LHFPL6: variants seen among roughly 807,000 people sequenced by gnomAD.
LHFPL6 encodes LHFPL tetraspan subfamily member 6 protein.
LHFPL6 carries 9 observed loss-of-function variants against 20.6 expected under a neutral mutation model. The ratio of observed to expected loss-of-function variants is 0.44; its 90% CI spans 0.26 to 0.76. The LOEUF is 0.76. LHFPL6 is among the 30% of genes least tolerant of loss of function. LHFPL6 has a pLI of 0.20. For synonymous variants in LHFPL6, 105 were observed against 98.7 expected, an observed-to-expected ratio of 1.06 and a Z score of -0.38; for missense variants, 218 against 253.5, an observed-to-expected ratio of 0.86 and a Z score of 0.95.
chr13:39,439,136 C>A (rs976744250), intron 2 of LHFPL6, among the ~76,000 whole-genome samples: 3 of 152,180 alleles, frequency 2.0e-5, no homozygotes, highest in Admixed American at 1.3e-4. Context: ...CTGAACCCTG[C>A]AAAGCCTCAG....
Position 39,493,306 on chromosome 13 carries a change from TAA to T in LHFPL6, c.385+107524_385+107525del, listed in dbSNP as rs201558669. Among the ~76,000 whole-genome samples the T allele has an allele frequency of 9.3e-5, 11 of 118,290 alleles. No homozygotes were observed. In the South Asian group the frequency reaches 2.1e-3, roughly 23 times the overall value. The allele number at this position is 118,290 out of a possible 152,430, so 77.6% of individuals were successfully genotyped here. On this transcript the variant is annotated intron_variant, in intron 2 of 3. Transcript: ENST00000379589. ...CAACATGATGAAACTCCATCTCTAC[TAA>T]AAAAAAAAAAAATAGGGAAAAAGAA...
intron 2 of LHFPL6, among the ~76,000 whole-genome samples, chr13:39,449,330 A>G (rs1018382256): frequency 6.6e-6 from 1 of 152,262 alleles, no homozygotes; most frequent in Non-Finnish European, 1.5e-5. Context: ...AGTAATATTT[A>G]CTTATACGGT....
intron 2 of LHFPL6, among the ~76,000 whole-genome samples, chr13:39,442,117 C>G (rs1207984471): frequency 6.6e-6 from 1 of 152,108 alleles, no homozygotes; most frequent in Non-Finnish European, 1.5e-5. Context: ...GCATGAGCCA[C>G]CGCCCCCAGC....
intron 2 of LHFPL6, among the ~76,000 whole-genome samples, chr13:39,564,585 T>C (rs146930645): frequency 1.6e-4 from 24 of 152,262 alleles, no homozygotes; most frequent in African/African-American, 5.5e-4. Flanking sequence ...ATTACTATGG[T>C]GCCAAAGAGA....
intron 2 of LHFPL6, among the ~76,000 whole-genome samples, chr13:39,537,868 C>T (rs1870669380): frequency 6.6e-6 from 1 of 152,064 alleles, no homozygotes; most frequent in African/African-American, 2.4e-5. Flanking sequence ...ATCAGGTTAC[C>T]ACACAGTCTA....
intron 2 of LHFPL6, among the ~76,000 whole-genome samples, chr13:39,403,858 A>T (rs1871050758): frequency 6.6e-6 from 1 of 152,220 alleles, no homozygotes; most frequent in African/African-American, 2.4e-5. Flanking sequence ...CTTAGGCTTG[A>T]ATCCCGTACC....
chr13:39,531,814 C>G (rs1253168986), intron 2 of LHFPL6, among the ~76,000 whole-genome samples: 1 of 152,138 alleles, frequency 6.6e-6, no homozygotes, highest in Non-Finnish European at 1.5e-5. Context: ...CATAACTCAA[C>G]CCTTCTGCCA....
At chr13:39,564,013 T>C (rs185820670) in intron 2 of LHFPL6, among the ~76,000 whole-genome samples, 6 of 152,236 alleles carry the variant, frequency 3.9e-5, no homozygotes, top group Middle Eastern at 3.4e-3. Flanking sequence ...GTTGAGCCCA[T>C]GGTGAACACT....
At chr13:39,545,267 A>AAG (rs1870944986) in intron 2 of LHFPL6, among the ~76,000 whole-genome samples, 1 of 146,842 alleles carries the variant, frequency 6.8e-6, no homozygotes, top group African/African-American at 2.5e-5. Context: ...AAAAAAAAAA[A>AAG]GTGACTAAGG....
Position 39,353,632 on chromosome 13 carries a change from G to A in LHFPL6, c.485-9578C>T, listed in dbSNP as rs184492584. ...AGTCCCAGCTACTAGGGAGGCTGAGGCAGGAGAATCTCTTGAACCCGGGAG... is the reference window on the plus strand; with the variant it reads ...AGTCCCAGCTACTAGGGAGGCTGAGACAGGAGAATCTCTTGAACCCGGGAG... On this transcript the variant is annotated intron_variant, in intron 3 of 3. Coordinates refer to ENST00000379589, the MANE Select transcript of LHFPL6 (RefSeq NM_005780.3). Among the ~76,000 whole-genome samples the A allele has an allele frequency of 8.8e-3, 1,334 of 152,196 alleles. 12 individuals are homozygous for A. Among genetic ancestry groups the A allele is most frequent in the Non-Finnish European group, 0.014 (946 of 68,006 alleles).
intron 2 of LHFPL6, among the ~76,000 whole-genome samples, chr13:39,592,074 C>T (rs995894437): frequency 5.3e-5 from 8 of 150,242 alleles, no homozygotes; most frequent in Non-Finnish European, 7.4e-5. Context: ...CCAGCCTGGA[C>T]GACAAAAGCA....
Position 39,602,963 on chromosome 13 carries a change from C to T in LHFPL6, c.-255G>A, listed in dbSNP as rs1405071880. 6 of 152,326 alleles carry T rather than the reference C, an allele frequency of 3.9e-5. No homozygotes were observed. Among genetic ancestry groups the T allele is most frequent in the Non-Finnish European group, 8.8e-5 (6 of 68,164 alleles). 9.4% of individuals were successfully genotyped at this position (152,326 alleles called of 1,614,324 possible). On this transcript the variant is annotated 5_prime_UTR_variant, in exon 1 of 4. Coordinates refer to ENST00000379589, the MANE Select transcript of LHFPL6 (RefSeq NM_005780.3). ...TGCTGTCTTTCTCGGGCGGGAACAT[C>T]CACGGGAAACCGGACCGTCCTGCCC...
At chr13:39,512,977 C>A (rs1490830160) in intron 2 of LHFPL6, among the ~76,000 whole-genome samples, 4 of 152,242 alleles carry the variant, frequency 2.6e-5, no homozygotes, top group Non-Finnish European at 5.9e-5. Flanking sequence ...TGACTGATGA[C>A]CACGCTGTCC....
At position 39,601,094 on chromosome 13, in the gene LHFPL6, A is replaced by G. The variant is rs764334491; in HGVS notation, c.123T>C (p.Pro41=). The stretch of plus-strand genomic sequence containing the variant: ...ACCTCCGGAAGGTACCGAAGGACAC[A>G]GGCTTGCCCAGCTGTGATCCCCAGA... The part of the protein sequence containing the change: ...YWLWGSQLGK[P]VSFGTFRRCS... Residue 41 remains proline (P), a synonymous_variant, in exon 2 of 4, where the codon CCT becomes CCC. Coordinates refer to ENST00000379589, the MANE Select transcript of LHFPL6 (RefSeq NM_005780.3). 2.5e-6 allele frequency: 4 copies of G among 1,614,230 alleles called. No individual in the cohort carries two copies. The highest frequency in any genetic ancestry group is 3.4e-6 in the Non-Finnish European group (4 of 1,180,040).
chr13:39,499,441 A>G (rs538568906), intron 2 of LHFPL6, among the ~76,000 whole-genome samples: 4 of 152,222 alleles, frequency 2.6e-5, no homozygotes, highest in Non-Finnish European at 5.9e-5. Flanking sequence ...ATCCCTTGAG[A>G]GAACAGACCT....
chr13:39,564,763 G>A (rs548473450), intron 2 of LHFPL6, among the ~76,000 whole-genome samples: 1 of 152,240 alleles, frequency 6.6e-6, no homozygotes, highest in African/African-American at 2.4e-5. Flanking sequence ...TATGTAAAAG[G>A]GTTAAGAACA....
intron 2 of LHFPL6, among the ~76,000 whole-genome samples, chr13:39,467,621 T>C (rs745781679): frequency 3.3e-5 from 5 of 152,104 alleles, no homozygotes; most frequent in Non-Finnish European, 7.4e-5. Flanking sequence ...TTAGCTTTGA[T>C]CCCCTCCCTA....
At chr13:39,428,408 T>C (rs959028327) in intron 2 of LHFPL6, among the ~76,000 whole-genome samples, 1 of 152,196 alleles carries the variant, frequency 6.6e-6, no homozygotes. Context: ...GAATTACTGA[T>C]ATTTTCTGTT....
intron 3 of LHFPL6, among the ~76,000 whole-genome samples, chr13:39,364,191 AG>A (rs1367616590): frequency 6.6e-6 from 1 of 152,232 alleles, no homozygotes; most frequent in East Asian, 1.9e-4. Context: ...GGAAGAGAGT[AG>A]AGATGGGCCA....
Sources: gnomAD v4.1 joint callset for allele counts (sites outside exome capture counted in the v4.1 genomes callset) on GRCh38, gnomAD v4.1.1 for gene constraint, MANE v1.5 for transcripts, NCBI Gene and HGNC (gene_info 2026-07-23, HGNC 2026-07-21) for gene names.